Variants in SDHA observed in about 807,000 individuals in gnomAD.
The protein encoded by SDHA is succinate dehydrogenase complex flavoprotein subunit A, also known as succinate dehydrogenase [ubiquinone] flavoprotein subunit, mitochondrial.
Under a neutral mutation model 78.4 loss-of-function variants are expected in SDHA, and 48 were observed. The ratio of observed to expected loss-of-function variants is 0.61; its 90% CI spans 0.49 to 0.78. SDHA has a LOEUF of 0.78. SDHA is among the 30% of genes least tolerant of loss of function. SDHA has a pLI of 0.00. For missense variants in SDHA, 680 were observed against 892.7 expected, an observed-to-expected ratio of 0.76 and a Z score of 3.04; for synonymous variants, 326 against 353.9, an observed-to-expected ratio of 0.92 and a Z score of 0.88.
At chr5:229,966 T>TATTATACAGCATGGTGGCTAGAGTTAAC (rs1735286811) in intron 6 of SDHA, among the ~76,000 whole-genome samples, 1 of 145,288 alleles carries the variant, frequency 6.9e-6, no homozygotes, top group African/African-American at 2.5e-5. Context: ...CTATCGTTAA[T>TATTATACAGCATGGTGGCTAGAGTTAAC]ATTATACAGC....
chr5:258,577 C>T (rs71583067), downstream of SDHA, among the ~76,000 whole-genome samples: 2,521 of 102,832 alleles, frequency 0.025, 3 homozygotes, highest in Non-Finnish European at 0.031. Flanking sequence ...CTCCGCCCCC[C>T]GCCAGAGCAT....
intron 11 of SDHA, among the ~76,000 whole-genome samples, chr5:241,169 C>A (rs1290200785): frequency 6.6e-6 from 1 of 152,148 alleles, no homozygotes; most frequent in South Asian, 2.1e-4. Context: ...GTGGTTCACT[C>A]GTGTGTGCTT....
Position 240,376 on chromosome 5 carries a change from T to C in SDHA, c.1451T>C (p.Ile484Thr). The change falls in exon 11 of 15, where the codon ATT becomes ACT. Residue 484 changes from isoleucine to threonine, a missense_variant. Ile to Thr is a moderately conservative substitution (Grantham distance 89). Coordinates refer to ENST00000264932, the MANE Select transcript of SDHA (RefSeq NM_004168.4). ...GTTTTAGGAGATAAAGTCCCTCCAA[T>C]TAAACCAAACGCTGGGGAAGAATCT... ...SCRPGDKVPP[I>T]KPNAGEESVM... is the part of the protein sequence containing the mutation. 1 of 1,604,754 alleles carries C rather than the reference T, an allele frequency of 6.2e-7. No individual in the cohort carries two copies.
At position 225,919 on chromosome 5, in the gene SDHA, G is replaced by A. The variant is rs1734989215; in HGVS notation, c.493G>A (p.Asp165Asn). The A allele has an allele frequency of 6.2e-7, 1 of 1,613,418 alleles. No homozygotes were observed. Among genetic ancestry groups the A allele is most frequent in the Admixed American group, 1.7e-5 (1 of 59,996 alleles). ...TGGCATGCCGTTTAGCAGAACTGAA[G>A]ATGGGAAGATTTATCAGCGTGCATT... ...NYGMPFSRTE[D>N]GKIYQRAFGG... The change falls in exon 5 of 15, where the codon GAT becomes AAT. Residue 165 changes from aspartate to asparagine, a missense_variant. Transcript: ENST00000264932.
chr5:226,988 T>C (rs1735071393), intron 5 of SDHA, among the ~76,000 whole-genome samples: 1 of 151,228 alleles, frequency 6.6e-6, no homozygotes, highest in Admixed American at 6.6e-5. Flanking sequence ...TCTGAGTTCC[T>C]GAATGGATTG....
Position 235,335 on chromosome 5 carries a change from G to T in SDHA, c.1256G>T (p.Gly419Val). 2 of 1,614,174 alleles carry T rather than the reference G, an allele frequency of 1.2e-6. No homozygotes were observed. Among genetic ancestry groups the T allele is most frequent in the Non-Finnish European group, 1.7e-6 (2 of 1,180,018 alleles). Residue 419 changes from glycine to valine, a missense_variant, in exon 9 of 15, where the codon GGG becomes GTG. Coordinates refer to ENST00000264932, the MANE Select transcript of SDHA (RefSeq NM_004168.4). ...GGCGGCATTCCCACCAACTACAAGG[G>T]GCAGGTGATGGTGCTGGCTCCTCCC... is the stretch of plus-strand genomic sequence containing the variant. ...NMGGIPTNYK[G>V]QVLRHVNGQD...
chr5:235,973 A>C (rs1246027416), intron 9 of SDHA: 2 of 250,508 alleles, frequency 8.0e-6, no homozygotes, highest in Admixed American at 5.0e-5. Flanking sequence ...CTTCCCTCTG[A>C]AGAAGAGTAG....
chr5:225,024 A>G (rs1487546273), intron 3 of SDHA, among the ~76,000 whole-genome samples: 1 of 152,162 alleles, frequency 6.6e-6, no homozygotes, highest in Non-Finnish European at 1.5e-5. Flanking sequence ...CTAGTCTTTA[A>G]CACATGCCCG....
At chr5:231,113 C>T (rs1264425351) in intron 7 of SDHA, 113 bp downstream of exon 7, 1 of 1,228,542 alleles carries the variant, frequency 8.1e-7, no homozygotes, top group Non-Finnish European at 1.2e-6. Context: ...TTTTGAAGAT[C>T]AGCTTCCTCA....
rs1735165355 is a variant in SDHA at position 228,234 on chromosome 5, T to G, written c.671T>G (p.Leu224Arg). ...SYFVEYFALDLLMENGECRGV... is the reference protein window; with the variant it reads ...SYFVEYFALDRLMENGECRGV... ...TTTGTGGAGTATTTTGCCTTGGATCTCCTGATGGAGAATGGGGAGTGCCGT... is the reference window on the plus strand; with the variant it reads ...TTTGTGGAGTATTTTGCCTTGGATCGCCTGATGGAGAATGGGGAGTGCCGT... Residue 224 changes from leucine (L) to arginine (R), a missense_variant, in exon 6 of 15, where the codon CTC (leucine) becomes CGC (arginine). Leu to Arg is a moderately radical substitution (Grantham distance 102). Transcript: ENST00000264932. 1 of 1,613,800 alleles carries G rather than the reference T, an allele frequency of 6.2e-7. No individual in the cohort carries two copies. Among genetic ancestry groups the G allele is most frequent in the African/African-American group, 1.3e-5 (1 of 74,896 alleles).
intron 6 of SDHA, 60 bp from the exon 7 acceptor site, chr5:230,816 C>A (rs1307494866): frequency 6.2e-7 from 1 of 1,611,204 alleles, no homozygotes; most frequent in Non-Finnish European, 8.5e-7. Flanking sequence ...TGTGATCTCA[C>A]CAGATAGGAG....
chr5:268,491 T>C, the SDHA span, among the ~76,000 whole-genome samples: 13 of 152,244 alleles, frequency 8.5e-5, no homozygotes, highest in African/African-American at 2.9e-4. Flanking sequence ...TAAACCTTAA[T>C]TTCATAGTAA....
intron 7 of SDHA, 92 bp downstream of exon 7, chr5:231,092 T>C: frequency 6.9e-7 from 1 of 1,447,484 alleles, no homozygotes; most frequent in Non-Finnish European, 9.7e-7. Flanking sequence ...TAGTTTTATG[T>C]AATAACATGG....
chr5:248,544 CTA>C (rs1222279031), intron 11 of SDHA, among the ~76,000 whole-genome samples: 2 of 152,124 alleles, frequency 1.3e-5, no homozygotes, highest in African/African-American at 2.4e-5. Flanking sequence ...TGTAATCACT[CTA>C]TGATGCAGTT....
chr5:242,206 G>A (rs986023055), intron 11 of SDHA, among the ~76,000 whole-genome samples: 1 of 152,146 alleles, frequency 6.6e-6, no homozygotes, highest in African/African-American at 2.4e-5. Flanking sequence ...TTGGGAACAG[G>A]CCCCCAAATG....
chr5:263,921 A>G, the SDHA span, among the ~76,000 whole-genome samples: 36,613 of 152,132 alleles, frequency 0.24, 6,870 homozygotes, highest in African/African-American at 0.53. Flanking sequence ...ACGCCTAAAT[A>G]TGTTTGCAAC....
Position 230,900 on chromosome 5 carries a change from C to G in SDHA, c.795C>G (p.Ser265Arg). The change falls in exon 7 of 15, where the codon AGC (serine) becomes AGG (arginine). Residue 265 changes from serine to arginine, a missense_variant. Transcript: ENST00000264932. ...GAGGCTACGGGCGCACCTACTTCAG[C>G]TGCACGTCTGCCCACACCAGCACTG... is the stretch of plus-strand genomic sequence containing the variant. ...ATGGYGRTYF[S>R]CTSAHTSTGD... 2 of 1,614,092 alleles carry G rather than the reference C, an allele frequency of 1.2e-6. No homozygotes were observed. Among genetic ancestry groups the G allele is most frequent in the Non-Finnish European group, 1.7e-6 (2 of 1,179,974 alleles).
At chr5:225,668 G>C in intron 4 of SDHA, 106 bp downstream of exon 4, 3 of 1,517,788 alleles carry the variant, frequency 2.0e-6, no homozygotes, top group Non-Finnish European at 2.7e-6. Context: ...CAAAAGAATG[G>C]TGATGAGCAA....
rs1278367327 is a variant in SDHA, at chr5:235,081, G to A, written c.1065-63G>A. On this transcript the variant is annotated intron_variant, in intron 8 of 14. Coordinates refer to ENST00000264932, the MANE Select transcript of SDHA (RefSeq NM_004168.4). Reference sequence around the variant, plus strand: ...GAAACTCACACACTTCCAAGATGACGTATTCTCAGGTCTCCTGCCGTTGCC... The same window carrying A: ...GAAACTCACACACTTCCAAGATGACATATTCTCAGGTCTCCTGCCGTTGCC... 4.0e-5 allele frequency: 59 copies of A among 1,483,270 alleles called. 1 individual carries two copies. The highest frequency in any genetic ancestry group is 2.9e-4 in the South Asian group (26 of 88,382). The allele number at this position is 1,483,270 out of a possible 1,614,324, so 91.9% of individuals were successfully genotyped here.
Sources: gnomAD v4.1 joint callset for allele counts (sites outside exome capture counted in the v4.1 genomes callset) on GRCh38, gnomAD v4.1.1 for gene constraint, MANE v1.5 for transcripts, NCBI Gene and HGNC (gene_info 2026-07-23, HGNC 2026-07-21) for gene names.